BICD1: variants seen among roughly 807,000 people sequenced by gnomAD.
BICD1 encodes the protein BICD cargo adaptor 1, also known as protein bicaudal D homolog 1.
In BICD1, 35 loss-of-function variants were observed where a neutral mutation model predicts 92.5. The ratio of observed to expected loss-of-function variants is 0.38; its 90% CI spans 0.29 to 0.50. The LOEUF (loss-of-function observed/expected upper bound fraction) is 0.50. Among genes scored for constraint, BICD1 ranks in the 20% least tolerant of loss-of-function variants. The probability of loss-of-function intolerance (pLI) is 0.93; values close to 1 mark genes in which losing one functional copy is unlikely to be tolerated. For synonymous variants in BICD1, 429 were observed against 465.1 expected (o/e 0.92, Z 1.00); for missense variants, 950 against 1,189.8 (o/e 0.80, Z 2.97).
rs552351104 is a variant in BICD1, at chr12:32,261,683, G to A, written c.427-32311G>A. On this transcript the variant is annotated intron_variant, in intron 2 of 9. Coordinates refer to ENST00000652176, the MANE Select transcript of BICD1 (RefSeq NM_001714.4). ...ACCTTTGTGGTGTTGTTTCCTGGAA[G>A]AGATTCTACTACTGAAGTGGTGTTG... Among the ~76,000 whole-genome samples the A allele has an allele frequency of 9.8e-5, 15 of 152,350 alleles. No homozygotes were observed. The South Asian group carries it at 1.7e-3, about 17-fold the overall frequency.
intron 4 of BICD1, among the ~76,000 whole-genome samples, chr12:32,314,869 C>T (rs1214378013): frequency 6.6e-6 from 1 of 152,046 alleles, no homozygotes; most frequent in African/African-American, 2.4e-5. Context: ...CCCCTGGACT[C>T]TCCTGGCCTC....
rs71064999 is a variant in BICD1 at position 32,135,386 on chromosome 12, C to CTTT, written c.213+27870_213+27872dup. ...TACAGGCATGAGCCACCATGCGTGG[C>CTTT]TTTTTTTTTTTTTTTTTTTTTTTTT... is the stretch of plus-strand genomic sequence containing the variant. On this transcript the variant is annotated intron_variant, in intron 1 of 9. Transcript: ENST00000652176. Among the ~76,000 whole-genome samples the CTTT allele has an allele frequency of 5.6e-4, 25 of 44,834 alleles. 4 individuals are homozygous for CTTT. Among genetic ancestry groups the CTTT allele is most frequent in the African/African-American group, 2.5e-3 (24 of 9,578 alleles). 29.4% of individuals were successfully genotyped at this position (44,834 alleles called of 152,430 possible).
In BICD1 at chr12:32,107,407, G is replaced by A. The variant is rs888011675; in HGVS notation, c.76G>A (p.Glu26Lys). ...EIERLTKELT[E>K]TTHEKIQAAE... ...AGAGAGGCTAACCAAGGAGCTCACG[G>A]AGACCACCCACGAGAAGATCCAGGC... The change falls in exon 1 of 10, where the codon GAG becomes AAG. Residue 26 changes from glutamate (E) to lysine (K), a missense_variant. Physicochemically the swap from Glu to Lys is moderately conservative, Grantham distance 56. Around this residue, in one of 5 missense-constraint regions of BICD1, gnomAD observed 202 missense variants for 205.3 expected, o/e 0.98. Coordinates refer to ENST00000652176, the MANE Select transcript of BICD1 (RefSeq NM_001714.4). The A allele has an allele frequency of 1.2e-6, 2 of 1,612,124 alleles. No homozygotes were observed. Among genetic ancestry groups the A allele is most frequent in the Non-Finnish European group, 1.7e-6 (2 of 1,179,352 alleles).
At chr12:32,114,014 C>T (rs888169014) in intron 1 of BICD1, among the ~76,000 whole-genome samples, 2 of 152,008 alleles carry the variant, frequency 1.3e-5, no homozygotes, top group East Asian at 3.9e-4. Context: ...GGATTATAGG[C>T]GCGCGCCACC....
intron 1 of BICD1, among the ~76,000 whole-genome samples, chr12:32,119,523 T>C (rs748150508): frequency 9.2e-5 from 14 of 152,184 alleles, no homozygotes; most frequent in Non-Finnish European, 1.9e-4. Context: ...AGAACCCCTC[T>C]TCTATATTTC....
At chr12:32,235,868 T>A (rs1229784808) in intron 2 of BICD1, among the ~76,000 whole-genome samples, 2 of 151,274 alleles carry the variant, frequency 1.3e-5, no homozygotes, top group African/African-American at 4.9e-5. Context: ...ACCCAGCTAA[T>A]TTTTTTGTAT....
At chr12:32,133,767 T>G (rs942998023) in intron 1 of BICD1, among the ~76,000 whole-genome samples, 2 of 150,792 alleles carry the variant, frequency 1.3e-5, no homozygotes, top group Non-Finnish European at 2.9e-5. Flanking sequence ...ATCCAGTTTC[T>G]GAAATGGATG....
In BICD1 at chr12:32,381,672, C is replaced by T. The variant is rs1362576632; in HGVS notation, c.*4045C>T. 1 of 152,078 alleles carries T rather than the reference C, an allele frequency of 6.6e-6. No homozygotes were observed. Among genetic ancestry groups the T allele is most frequent in the Non-Finnish European group, 1.5e-5 (1 of 67,984 alleles). The allele number at this position is 152,078 out of a possible 1,614,324, so 9.4% of individuals were successfully genotyped here. ...AAAGTTACAATCTGTCCCTCAGAGA[C>T]ATTGGGGGAAGCTGATGGATTTCCA... On this transcript the variant is annotated 3_prime_UTR_variant, in exon 10 of 10. Transcript: ENST00000652176.
rs143211111 is a variant in BICD1 at position 32,222,019 on chromosome 12, A to C, written c.426+5560A>C. On this transcript the variant is annotated intron_variant, in intron 2 of 9. Transcript: ENST00000652176. ...ATTTACTTTTATACTTATTTATACT[A>C]AACTAAACTAAAATCCACATTAATG... Among the ~76,000 whole-genome samples the C allele has an allele frequency of 4.6e-4, 70 of 152,336 alleles. 1 individual carries two copies. The East Asian group carries it at 0.013, about 29-fold the overall frequency.
chr12:32,128,160 T>C (rs758487841), intron 1 of BICD1, among the ~76,000 whole-genome samples: 1 of 152,190 alleles, frequency 6.6e-6, no homozygotes, highest in Non-Finnish European at 1.5e-5. Context: ...CGCCTCCGCC[T>C]CCCAAAGTGT....
At chr12:32,236,614 C>CAAA (rs142373943) in intron 2 of BICD1, among the ~76,000 whole-genome samples, 7,124 of 152,096 alleles carry the variant, frequency 0.047, 220 homozygotes, top group Middle Eastern at 0.11. Flanking sequence ...CACTTTAAAT[C>CAAA]AAAACATAGA....
intron 8 of BICD1, among the ~76,000 whole-genome samples, chr12:32,363,335 C>T (rs1415352392): frequency 6.6e-6 from 1 of 152,126 alleles, no homozygotes; most frequent in Non-Finnish European, 1.5e-5. Context: ...AGGAGGATTA[C>T]TTGAACTCAC....
chr12:32,108,960 A>C (rs1941593128), intron 1 of BICD1: 1 of 345,320 alleles, frequency 2.9e-6, no homozygotes, highest in Non-Finnish European at 5.3e-6. Flanking sequence ...GAAGTGAGGA[A>C]GCAGGATGAT....
At chr12:32,325,425 A>G (rs563713850) in intron 4 of BICD1, among the ~76,000 whole-genome samples, 19 of 152,300 alleles carry the variant, frequency 1.2e-4, no homozygotes, top group African/African-American at 4.6e-4. Flanking sequence ...TGCGTTATGC[A>G]TTGCTCACAA....
rs563439920 is a variant in BICD1 at position 32,182,382 on chromosome 12, A to G, written c.214-33865A>G. Among the ~76,000 whole-genome samples, 341 of 142,456 alleles carry G rather than the reference A, an allele frequency of 2.4e-3. 4 individuals carry two copies. The highest frequency in any genetic ancestry group is 4.2e-3 in the Non-Finnish European group (282 of 66,472). 93.5% of individuals were successfully genotyped at this position (142,456 alleles called of 152,430 possible). On this transcript the variant is annotated intron_variant, in intron 1 of 9. Transcript: ENST00000652176. ...ACTGCAACCTCCACCTCCCGGGTCC[A>G]GGCAATTCTCCTGCCTCAGCCTCCC...
intron 2 of BICD1, among the ~76,000 whole-genome samples, chr12:32,249,984 T>C (rs188015386): frequency 2.0e-5 from 3 of 149,670 alleles, no homozygotes; most frequent in African/African-American, 7.5e-5. Context: ...AGAAAGGATG[T>C]TGGGAAAGCT....
intron 2 of BICD1, among the ~76,000 whole-genome samples, chr12:32,278,079 G>A (rs1226867104): frequency 6.6e-6 from 1 of 152,118 alleles, no homozygotes; most frequent in African/African-American, 2.4e-5. Context: ...CCAGGTCACA[G>A]GTAAGTCTAT....
intron 1 of BICD1, among the ~76,000 whole-genome samples, chr12:32,194,830 C>T (rs1005673992): frequency 2.0e-5 from 3 of 151,936 alleles, no homozygotes; most frequent in South Asian, 2.1e-4. Flanking sequence ...TGCGGTGAGC[C>T]GAGATCATGC....
At chr12:32,173,774 T>C (rs1944020018) in intron 1 of BICD1, among the ~76,000 whole-genome samples, 1 of 152,236 alleles carries the variant, frequency 6.6e-6, no homozygotes, top group Non-Finnish European at 1.5e-5. Context: ...TTATATATAG[T>C]TGCCAGATGT....
Sources: allele counts gnomAD v4.1 joint callset (sites outside exome capture counted in the v4.1 genomes callset), GRCh38; gene constraint gnomAD v4.1.1; regional missense constraint gnomAD v4.1.1; transcripts MANE v1.5; gene names NCBI Gene and HGNC (gene_info 2026-07-23, HGNC 2026-07-21).